TIPIN: variants seen among roughly 807,000 people sequenced by gnomAD.
The protein encoded by TIPIN is TIMELESS-interacting protein.
A neutral mutation model predicts 35.6 loss-of-function variants in TIPIN; 29 were observed. The observed-to-expected ratio is 0.82, with a 90% CI of 0.61 to 1.11. TIPIN has a LOEUF of 1.11. Ranked by LOEUF, TIPIN falls within the 50% of genes most tolerant of loss-of-function variation. TIPIN has a pLI of 0.00. For synonymous variants in TIPIN, 102 were observed against 121.5 expected (o/e 0.84, Z 1.06); for missense variants, 296 against 345.4 (o/e 0.86, Z 1.13).
intron 1 of TIPIN, among the ~76,000 whole-genome samples, chr15:66,363,976 C>G (rs966930597): frequency 4.0e-5 from 6 of 151,218 alleles, no homozygotes; most frequent in African/African-American, 1.5e-4. Flanking sequence ...GAGCGAGACT[C>G]TTTCTCAAAA....
intron 7 of TIPIN, among the ~76,000 whole-genome samples, chr15:66,339,384 T>C (rs2093069805): frequency 6.6e-6 from 1 of 151,928 alleles, no homozygotes; most frequent in Admixed American, 6.6e-5. Flanking sequence ...GTGCTGGGAT[T>C]ACAGGCAAGA....
chr15:66,371,926 G>A (rs2093279207), intron 1 of TIPIN, among the ~76,000 whole-genome samples: 1 of 151,972 alleles, frequency 6.6e-6, no homozygotes, highest in East Asian at 1.9e-4. Context: ...TCCTGAGTAG[G>A]TGGGACTACA....
chr15:66,347,350 T>C, intron 6 of TIPIN: 1 of 501,628 alleles, frequency 2.0e-6, no homozygotes, highest in Non-Finnish European at 4.0e-6. Context: ...CACAAAGGTC[T>C]CACTAAAGTC....
At chr15:66,353,685 T>A (rs528381400) in intron 1 of TIPIN, among the ~76,000 whole-genome samples, 164 of 151,662 alleles carry the variant, frequency 1.1e-3, no homozygotes, top group East Asian at 3.3e-3. Flanking sequence ...TAAAAAAAAA[T>A]TTTTAAATGT....
intron 1 of TIPIN, among the ~76,000 whole-genome samples, chr15:66,355,524 C>T (rs1337439827): frequency 6.6e-6 from 1 of 151,216 alleles, no homozygotes; most frequent in Non-Finnish European, 1.5e-5. Flanking sequence ...CAGAGGCGGA[C>T]GGATCATGAG....
At chr15:66,361,329 C>T (rs1157392831), upstream of TIPIN, among the ~76,000 whole-genome samples, 2 of 149,448 alleles carry the variant, frequency 1.3e-5, no homozygotes, top group African/African-American at 4.9e-5. Context: ...GATCTCTGCT[C>T]ACTGCAAGCT....
Position 66,349,388 on chromosome 15 carries a change from C to T in TIPIN, c.338G>A (p.Arg113Lys), listed in dbSNP as rs1319512793. 4 of 1,614,046 alleles carry T rather than the reference C, an allele frequency of 2.5e-6. No individual in the cohort carries two copies. Among genetic ancestry groups the T allele is most frequent in the Non-Finnish European group, 3.4e-6 (4 of 1,180,008 alleles). Residue 113 changes from arginine (R) to lysine (K), a missense_variant, in exon 5 of 8, where the codon AGG becomes AAG. Transcript: ENST00000261881. Reference protein sequence around the residue: ...LIRHMEHWAHRLFPKLQFEDF... With the variant: ...LIRHMEHWAHKLFPKLQFEDF... ...CTCAAACTGCAGTTTAGGGAATAGC[C>T]TATGTGCCCAGTGCTCCATGTGTCT...
chr15:66,368,677 A>G (rs1477312627), intron 1 of TIPIN, among the ~76,000 whole-genome samples: 3 of 152,210 alleles, frequency 2.0e-5, no homozygotes, highest in African/African-American at 7.2e-5. Context: ...TATGCAAAAT[A>G]TGGCTTGCTA....
chr15:66,383,976 AAATTTATTTT>A (rs1436444893), intron 1 of TIPIN, among the ~76,000 whole-genome samples: 4 of 152,054 alleles, frequency 2.6e-5, no homozygotes, highest in Admixed American at 2.0e-4. Flanking sequence ...ATACACAATA[AAATTTATTTT>A]TATTTATTTA....
chr15:66,346,743 C>A (rs2093128425), intron 6 of TIPIN, among the ~76,000 whole-genome samples: 1 of 152,184 alleles, frequency 6.6e-6, no homozygotes, highest in South Asian at 2.1e-4. Flanking sequence ...CCTATGCCAT[C>A]CATACATACC....
intron 1 of TIPIN, among the ~76,000 whole-genome samples, chr15:66,385,638 G>A (rs1246815867): frequency 2.6e-5 from 4 of 151,802 alleles, no homozygotes; most frequent in Non-Finnish European, 4.4e-5. Context: ...ACAGGCACCC[G>A]CCACCACGCC....
At chr15:66,372,445 C>T (rs62011749) in intron 1 of TIPIN, among the ~76,000 whole-genome samples, 1 of 152,194 alleles carries the variant, frequency 6.6e-6, no homozygotes, top group Admixed American at 6.5e-5. Flanking sequence ...GAATTTATCA[C>T]AATTTATCCA....
At chr15:66,377,045 T>G (rs1595820943) in intron 1 of TIPIN, among the ~76,000 whole-genome samples, 1 of 146,272 alleles carries the variant, frequency 6.8e-6, no homozygotes, top group African/African-American at 2.5e-5. Flanking sequence ...GAGGTGGAGG[T>G]TGCAGTGAGC....
At chr15:66,367,839 G>T (rs11632153) in intron 1 of TIPIN, among the ~76,000 whole-genome samples, 128,456 of 143,418 alleles carry the variant, frequency 0.9, 58,939 homozygotes, top group Non-Finnish European at 1. Context: ...CTTTGTTTTT[G>T]TTTTTTTTTT....
upstream of TIPIN, among the ~76,000 whole-genome samples, chr15:66,361,228 CTT>C (rs2093229597): frequency 6.7e-6 from 1 of 149,844 alleles, no homozygotes; most frequent in South Asian, 2.1e-4. Context: ...TCCTTATTCT[CTT>C]TTCATTTTTC....
intron 6 of TIPIN, among the ~76,000 whole-genome samples, chr15:66,347,516 G>A (rs2093135096): frequency 6.6e-6 from 1 of 152,096 alleles, no homozygotes; most frequent in South Asian, 2.1e-4. Context: ...TAGGATCAGT[G>A]GGTCACCAGA....
chr15:66,376,802 A>T (rs2093298512), intron 1 of TIPIN, among the ~76,000 whole-genome samples: 1 of 151,772 alleles, frequency 6.6e-6, no homozygotes. Flanking sequence ...GTTATTGCCA[A>T]AATGCCCTTT....
At chr15:66,379,712 A>T in intron 1 of TIPIN, 7 of 1,609,960 alleles carry the variant, frequency 4.3e-6, no homozygotes, top group Non-Finnish European at 5.9e-6. Flanking sequence ...TCCGAACGGT[A>T]GCCAGTTCTT....
At chr15:66,356,280 G>C (rs1228529591) in intron 1 of TIPIN, among the ~76,000 whole-genome samples, 4 of 151,850 alleles carry the variant, frequency 2.6e-5, no homozygotes, top group Non-Finnish European at 5.9e-5. Context: ...CCTCATCCTC[G>C]TTCCCCGCCT....
Sources: allele counts gnomAD v4.1 joint callset (sites outside exome capture counted in the v4.1 genomes callset), GRCh38; gene constraint gnomAD v4.1.1; transcripts MANE v1.5; gene names NCBI Gene and HGNC (gene_info 2026-07-23, HGNC 2026-07-21).